CSNK2A1: variants seen among roughly 807,000 people sequenced by gnomAD.
CSNK2A1 encodes the protein casein kinase 2 alpha 1, also known as casein kinase II subunit alpha.
In CSNK2A1, 10 loss-of-function variants were observed where a neutral mutation model predicts 62.9. That is an observed-to-expected ratio of 0.16 (90% CI 0.10 to 0.27). CSNK2A1 has a LOEUF of 0.27. Ranked by LOEUF, CSNK2A1 falls within the 10% of genes least tolerant of loss-of-function variation. The probability of loss-of-function intolerance (pLI) is 1.00; values close to 1 mark genes in which losing one functional copy is unlikely to be tolerated. For missense variants in CSNK2A1, 160 were observed against 492.0 expected (o/e 0.33, Z 6.38); for synonymous variants, 124 against 167.8 (o/e 0.74, Z 2.02).
intron 6 of CSNK2A1, chr20:498,390 G>A (rs1234452012): frequency 6.8e-6 from 1 of 147,804 alleles, no homozygotes; most frequent in African/African-American, 2.5e-5. Flanking sequence ...GCCCAGGCTG[G>A]AGTGCCGTGC....
intron 11 of CSNK2A1, 122 bp from the exon 12 acceptor site, chr20:487,697 A>G: frequency 7.3e-7 from 1 of 1,376,548 alleles, no homozygotes; most frequent in Non-Finnish European, 1.0e-6. Context: ...TCCAAACTCA[A>G]GAGGGTAGTC....
intron 8 of CSNK2A1, among the ~76,000 whole-genome samples, chr20:493,049 C>T (rs1396777377): frequency 1.3e-5 from 2 of 152,192 alleles, no homozygotes; most frequent in African/African-American, 4.8e-5. Flanking sequence ...AAACATCGGA[C>T]TGCTCTGGCA....
chr20:513,259 T>C (rs1287304522), intron 2 of CSNK2A1, among the ~76,000 whole-genome samples: 1 of 152,244 alleles, frequency 6.6e-6, no homozygotes, highest in Non-Finnish European at 1.5e-5. Context: ...TCAAAGCCCT[T>C]TTCCTATGCT....
At chr20:486,650 C>T in intron 12 of CSNK2A1, 188 bp from the exon 13 acceptor site, 1 of 537,800 alleles carries the variant, frequency 1.9e-6, no homozygotes. Context: ...AAATAGCTTT[C>T]CTATCAAACT....
At chr20:527,269 AG>A (rs1303496065) in intron 2 of CSNK2A1, among the ~76,000 whole-genome samples, 1 of 152,230 alleles carries the variant, frequency 6.6e-6, no homozygotes, top group Non-Finnish European at 1.5e-5. Context: ...TCTGATTCTC[AG>A]GGAGAAAAAA....
At chr20:540,286 T>C (rs1201435102) in intron 1 of CSNK2A1, among the ~76,000 whole-genome samples, 1 of 152,234 alleles carries the variant, frequency 6.6e-6, no homozygotes, top group Admixed American at 6.5e-5. Context: ...TCCACTCCAT[T>C]AAAGTTCACA....
At chr20:542,127 C>T (rs549286231) in intron 1 of CSNK2A1, among the ~76,000 whole-genome samples, 1 of 152,314 alleles carries the variant, frequency 6.6e-6, no homozygotes, top group South Asian at 2.1e-4. Flanking sequence ...CCAAATATAC[C>T]AGCTAGTCCC....
intron 2 of CSNK2A1, among the ~76,000 whole-genome samples, chr20:522,400 T>C (rs957092286): frequency 2.0e-5 from 3 of 152,338 alleles, no homozygotes; most frequent in African/African-American, 7.2e-5. Flanking sequence ...ACCTCTGTGG[T>C]AGTCTTCTCA....
Position 487,543 on chromosome 20 carries a change from T to C in CSNK2A1, c.857A>G (p.His286Arg), listed in dbSNP as rs780972226. ...HSRKRWERFV[H>R]SENQHLVSPE... is the part of the protein sequence containing the mutation. ...GCTGACAAGGTGCTGATTTTCACTGTGGACAAAGCGTTCCCATCGCTTTCG... is the reference window on the plus strand; with the variant it reads ...GCTGACAAGGTGCTGATTTTCACTGCGGACAAAGCGTTCCCATCGCTTTCG... The change falls in exon 12 of 14, where the codon CAC becomes CGC. Residue 286 changes from histidine (H) to arginine (R), a missense_variant. His to Arg is a conservative substitution (Grantham distance 29, BLOSUM62 0). Around this residue, in one of 3 missense-constraint regions of CSNK2A1, gnomAD observed 94 missense variants for 357.6 expected, o/e 0.26. Coordinates refer to ENST00000217244, the MANE Select transcript of CSNK2A1 (RefSeq NM_177559.3). 1 of 1,614,232 alleles carries C rather than the reference T, an allele frequency of 6.2e-7. No homozygotes were observed. The highest frequency in any genetic ancestry group is 8.5e-7 in the Non-Finnish European group (1 of 1,180,046).
chr20:486,343 A>G, intron 13 of CSNK2A1, 33 bp downstream of exon 13: 1 of 1,612,232 alleles, frequency 6.2e-7, no homozygotes, highest in African/African-American at 1.3e-5. Flanking sequence ...TGACTTCCAC[A>G]TTTTTTTAAA....
intron 1 of CSNK2A1, among the ~76,000 whole-genome samples, chr20:538,666 G>A (rs2019384852): frequency 6.6e-6 from 1 of 152,162 alleles, no homozygotes; most frequent in African/African-American, 2.4e-5. Context: ...ATGACAGGGA[G>A]AAAAGATCTT....
chr20:503,850 T>TA (rs1440175380), intron 4 of CSNK2A1, among the ~76,000 whole-genome samples: 1 of 152,224 alleles, frequency 6.6e-6, no homozygotes, highest in African/African-American at 2.4e-5. Flanking sequence ...TTTATGTGAA[T>TA]AACTTTTTAA....
intron 4 of CSNK2A1, chr20:502,141 C>A (rs989262418): frequency 6.6e-6 from 1 of 152,158 alleles, no homozygotes; most frequent in Non-Finnish European, 1.5e-5. Flanking sequence ...TAGAACAGGT[C>A]CAATGCAAAG....
At chr20:486,067 T>C (rs764334599) in intron 13 of CSNK2A1, among the ~76,000 whole-genome samples, 5 of 152,210 alleles carry the variant, frequency 3.3e-5, no homozygotes, top group East Asian at 3.8e-4. Flanking sequence ...CTAAGGGCCA[T>C]GTAACTACTG....
chr20:533,286 C>A (rs921858474), intron 1 of CSNK2A1, among the ~76,000 whole-genome samples: 2 of 152,210 alleles, frequency 1.3e-5, no homozygotes, highest in African/African-American at 4.8e-5. Flanking sequence ...GAATTTGGAA[C>A]ATAAATACTC....
Position 487,567 on chromosome 20 carries a change from C to T in CSNK2A1, c.833G>A (p.Arg278Gln), listed in dbSNP as rs1258475591. Residue 278 changes from arginine to glutamine, a missense_variant, in exon 12 of 14, where the codon CGA becomes CAA. By Grantham distance (43) the Arg-to-Gln change is conservative. Around this residue, in one of 3 missense-constraint regions of CSNK2A1, gnomAD observed 94 missense variants for 357.6 expected, o/e 0.26. Transcript: ENST00000217244. Reference protein sequence around the residue: ...RFNDILGRHSRKRWERFVHSE... With the variant: ...RFNDILGRHSQKRWERFVHSE... ...GTGGACAAAGCGTTCCCATCGCTTT[C>T]GAGAGTGTCTGCAGGACCAAAAGAG... 6.2e-7 allele frequency: 1 copy of T among 1,614,152 alleles called. No homozygotes were observed. Among genetic ancestry groups the T allele is most frequent in the South Asian group, 1.1e-5 (1 of 91,084 alleles).
chr20:521,039 A>G (rs766336177), intron 2 of CSNK2A1, among the ~76,000 whole-genome samples: 1 of 152,222 alleles, frequency 6.6e-6, no homozygotes, highest in Non-Finnish European at 1.5e-5. Flanking sequence ...GGGGTTAGGC[A>G]GAGTTTGAAG....
intron 8 of CSNK2A1, 158 bp from the exon 9 acceptor site, chr20:492,522 G>C (rs977128314): frequency 2.9e-5 from 19 of 660,902 alleles, no homozygotes; most frequent in Admixed American, 1.8e-4. Context: ...AAACTTCTTA[G>C]CTTGACAAAC....
chr20:543,580 C>G (rs1471499803), intron 1 of CSNK2A1, 92 bp downstream of exon 1: 1 of 397,108 alleles, frequency 2.5e-6, no homozygotes, highest in East Asian at 3.6e-5. Flanking sequence ...GCTCAGGAGT[C>G]TGCTGGAAGC....
Sources: gnomAD v4.1 joint callset for allele counts (sites outside exome capture counted in the v4.1 genomes callset) on GRCh38, gnomAD v4.1.1 for gene constraint, gnomAD v4.1.1 regional missense constraint, MANE v1.5 for transcripts, NCBI Gene and HGNC (gene_info 2026-07-23, HGNC 2026-07-21) for gene names.